ASS1: variants seen among roughly 807,000 people sequenced by gnomAD.
ASS1 encodes argininosuccinate synthase 1.
A neutral mutation model predicts 60.5 loss-of-function variants in ASS1; 58 were observed. That is an observed-to-expected ratio of 0.96 (90% CI 0.78 to 1.19). The LOEUF is 1.19. Among genes scored for constraint, ASS1 ranks in the 50% most tolerant of loss-of-function variants. The probability of loss-of-function intolerance (pLI) is 0.00; values close to 1 mark genes in which losing one functional copy is unlikely to be tolerated. For missense variants in ASS1, 454 were observed against 547.3 expected (o/e 0.83, Z 1.70); for synonymous variants, 200 against 206.9 (o/e 0.97, Z 0.29).
In ASS1 at chr9:130,466,778, T is replaced by C; in HGVS notation, c.474T>C (p.Asn158=). Residue 158 remains asparagine (N), a synonymous_variant, in exon 6 of 15, where the codon AAT becomes AAC. Transcript: ENST00000352480. ...PEFYNRFKGR[N]DLMEYAKQHG... ...TCTACAACCGGTTCAAGGGCCGCAA[T>C]GACCTGATGGAGTACGCAAAGGTAT... is the stretch of plus-strand genomic sequence containing the variant. 1 of 1,614,120 alleles carries C rather than the reference T, an allele frequency of 6.2e-7. No homozygotes were observed. The highest frequency in any genetic ancestry group is 2.2e-5 in the East Asian group (1 of 44,876).
chr9:130,499,598 T>C, intron 14 of ASS1, 28 bp downstream of exon 14: 1 of 1,602,734 alleles, frequency 6.2e-7, no homozygotes, highest in Non-Finnish European at 8.5e-7. Flanking sequence ...CTGACGGGCC[T>C]TCAGAGCCTC....
chr9:130,497,942 C>T (rs940660218), intron 13 of ASS1, among the ~76,000 whole-genome samples: 2 of 152,216 alleles, frequency 1.3e-5, no homozygotes, highest in Non-Finnish European at 2.9e-5. Flanking sequence ...GTATCTCCTC[C>T]TCTTCCAGGG....
intron 9 of ASS1, among the ~76,000 whole-genome samples, chr9:130,479,033 T>C (rs557104563): frequency 1.2e-3 from 180 of 152,304 alleles, no homozygotes; most frequent in South Asian, 2.3e-3. Flanking sequence ...CCAATACATT[T>C]ATTGCTCATT....
chr9:130,490,650 AT>A (rs1846427343), intron 12 of ASS1, among the ~76,000 whole-genome samples: 1 of 152,194 alleles, frequency 6.6e-6, no homozygotes. Flanking sequence ...AGGAAAAAAA[AT>A]TTTTTAATGC....
intron 4 of ASS1, among the ~76,000 whole-genome samples, chr9:130,462,925 G>A (rs1016376831): frequency 1.3e-5 from 2 of 152,206 alleles, no homozygotes; most frequent in African/African-American, 2.4e-5. Context: ...ACCTCTCTGA[G>A]CTTCACTTTC....
At chr9:130,493,855 C>T (rs564303229) in intron 12 of ASS1, among the ~76,000 whole-genome samples, 2 of 152,208 alleles carry the variant, frequency 1.3e-5, no homozygotes, top group Non-Finnish European at 2.9e-5. Flanking sequence ...CCTCCCTGGC[C>T]TTTAGGGCTC....
intron 10 of ASS1, 117 bp downstream of exon 10, chr9:130,479,917 T>G: frequency 8.4e-7 from 1 of 1,183,718 alleles, no homozygotes; most frequent in Non-Finnish European, 1.3e-6. Context: ...GCACAGGCCA[T>G]GTCCCTTCCC....
intron 2 of ASS1, among the ~76,000 whole-genome samples, chr9:130,453,807 G>A (rs546117441): frequency 3.3e-5 from 5 of 152,336 alleles, no homozygotes; most frequent in African/African-American, 1.2e-4. Context: ...ACTGGCCACA[G>A]GGACGGAGCT....
Position 130,464,128 on chromosome 9 carries a change from G to A in ASS1, c.381G>A (p.Arg127=), listed in dbSNP as rs1338613142. ...CATTGCAGGGGAACGATCAGGTCCG[G>A]TTTGAGCTCAGCTGCTACTCACTGG... ...GATGKGNDQV[R]FELSCYSLAP... is the part of the protein sequence containing the mutation. The change falls in exon 5 of 15, where the codon CGG becomes CGA. Residue 127 remains arginine, a synonymous_variant. Coordinates refer to ENST00000352480, the MANE Select transcript of ASS1 (RefSeq NM_054012.4). 2.5e-6 allele frequency: 4 copies of A among 1,613,942 alleles called. No homozygotes were observed. The highest frequency in any genetic ancestry group is 2.7e-5 in the African/African-American group (2 of 74,880).
intron 1 of ASS1, chr9:130,445,223 C>T: frequency 4.4e-5 from 1 of 22,576 alleles, no homozygotes; most frequent in Non-Finnish European, 5.6e-5. Flanking sequence ...GGGGACGCGG[C>T]GGGGGCGCGA....
At chr9:130,479,194 G>A (rs576338535) in intron 9 of ASS1, among the ~76,000 whole-genome samples, 3 of 146,542 alleles carry the variant, frequency 2.0e-5, no homozygotes, top group African/African-American at 7.4e-5. Context: ...AGCGGGCACC[G>A]TGTCACCCCC....
chr9:130,470,872 G>C lies in ASS1; in HGVS notation c.534G>C (p.Pro178=). ...GIPIPVTPKN[P]WSMDENLMHI... The stretch of plus-strand genomic sequence containing the variant: ...CCATCCCGGTCACTCCCAAGAACCC[G>C]TGGAGCATGGATGAGAACCTCATGC... The change falls in exon 7 of 15, where the codon CCG becomes CCC. Residue 178 remains proline, a synonymous_variant. Transcript: ENST00000352480. This position sits in a 1 kb window ranked among gnomAD's most constrained non-coding sequence, Gnocchi z 4.3. 6.2e-7 allele frequency: 1 copy of C among 1,614,078 alleles called. No homozygotes were observed. The highest frequency in any genetic ancestry group is 8.5e-7 in the Non-Finnish European group (1 of 1,180,006).
intron 2 of ASS1, among the ~76,000 whole-genome samples, chr9:130,453,009 TGA>T (rs1645609864): frequency 6.6e-6 from 1 of 152,310 alleles, no homozygotes; most frequent in South Asian, 2.1e-4. Context: ...CTCACACAAC[TGA>T]GAACTCCAGG....
chr9:130,450,726 G>A (rs1564900391), intron 1 of ASS1, among the ~76,000 whole-genome samples: 1 of 152,288 alleles, frequency 6.6e-6, no homozygotes, highest in East Asian at 1.9e-4. Flanking sequence ...CCTGGGAAAG[G>A]CACTTCCTCT....
chr9:130,499,724 C>A (rs2118894561), intron 14 of ASS1, among the ~76,000 whole-genome samples, 154 bp downstream of exon 14: 1 of 152,254 alleles, frequency 6.6e-6, no homozygotes, highest in East Asian at 1.9e-4. Flanking sequence ...ACTTTCCTGT[C>A]CATCTGCCCA....
intron 3 of ASS1, 81 bp from the exon 4 acceptor site, chr9:130,458,320 T>C: frequency 6.4e-7 from 1 of 1,570,402 alleles, no homozygotes; most frequent in South Asian, 1.1e-5. Flanking sequence ...AGGTCTCAGC[T>C]AGCTGAGGCC....
chr9:130,458,684 C>A, intron 4 of ASS1, 95 bp downstream of exon 4: 4 of 1,493,016 alleles, frequency 2.7e-6, no homozygotes, highest in Non-Finnish European at 3.6e-6. Flanking sequence ...TGGTGTGCCT[C>A]CGGGGCAGAC....
At chr9:130,499,994 A>G (rs1417983718) in intron 14 of ASS1, among the ~76,000 whole-genome samples, 1 of 152,178 alleles carries the variant, frequency 6.6e-6, no homozygotes, top group Non-Finnish European at 1.5e-5. Context: ...GTGGATCTCC[A>G]TGGCCCAGGA....
chr9:130,447,703 C>A (rs1845227719), intron 1 of ASS1, among the ~76,000 whole-genome samples: 1 of 152,212 alleles, frequency 6.6e-6, no homozygotes, highest in African/African-American at 2.4e-5. Flanking sequence ...AGGCTGAATT[C>A]AGCCAGGATC....
Sources: allele counts gnomAD v4.1 joint callset (sites outside exome capture counted in the v4.1 genomes callset), GRCh38; gene constraint gnomAD v4.1.1; non-coding constraint Gnocchi (gnomAD v3.1); transcripts MANE v1.5; gene names NCBI Gene and HGNC (gene_info 2026-07-23, HGNC 2026-07-21).